The following SNX29 variants were observed in gnomAD, a reference collection of about 807,000 sequenced individuals.
SNX29 encodes sorting nexin-29.
In SNX29, 78 loss-of-function variants were observed where a neutral mutation model predicts 102.1. The ratio of observed to expected loss-of-function variants is 0.76; its 90% confidence interval spans 0.64 to 0.92. The LOEUF (loss-of-function observed/expected upper bound fraction) is 0.92. Ranked by LOEUF, SNX29 falls within the 40% of genes least tolerant of loss-of-function variation. The pLI is 0.00. For synonymous variants in SNX29, 580 were observed against 414.5 expected, an observed-to-expected ratio of 1.40 and a Z score of -4.85; for missense variants, 1,280 against 1,061.7, an observed-to-expected ratio of 1.21 and a Z score of -2.86.
Position 12,096,889 on chromosome 16 carries a change from G to T in SNX29, c.1402+17974G>T, listed in dbSNP as rs760142054. 6.6e-6 allele frequency among the ~76,000 whole-genome samples: 1 copy of T among 152,202 alleles called. No individual in the cohort carries two copies. The highest frequency in any genetic ancestry group is 2.4e-5 in the African/African-American group (1 of 41,450). ...AAGGAGGAACCGATGACAGCAGGAT[G>T]AATGTAGCAAGGATAGGGTGGCTGA... On this transcript the variant is annotated intron_variant, in intron 11 of 20. Coordinates refer to ENST00000566228, the MANE Select transcript of SNX29 (RefSeq NM_032167.5). This position sits in a 1 kb window ranked among gnomAD's most constrained non-coding sequence, Gnocchi z 4.2.
intron 13 of SNX29, among the ~76,000 whole-genome samples, chr16:12,180,829 A>G (rs2076367233): frequency 6.6e-6 from 1 of 151,990 alleles, no homozygotes; most frequent in Non-Finnish European, 1.5e-5. Flanking sequence ...ACTTTAGGAG[A>G]GAGGCGTGGT....
At chr16:12,171,332 A>AAGGG (rs1460365684) in intron 13 of SNX29, among the ~76,000 whole-genome samples, 1 of 150,424 alleles carries the variant, frequency 6.6e-6, no homozygotes, top group East Asian at 1.9e-4. Flanking sequence ...TTTTTTTTTG[A>AAGGG]AGGGAGGGAG....
intron 18 of SNX29, among the ~76,000 whole-genome samples, chr16:12,475,002 C>T (rs922995381): frequency 6.6e-6 from 1 of 152,202 alleles, no homozygotes; most frequent in Non-Finnish European, 1.5e-5. Context: ...CATTCCTAAC[C>T]CAAGTCCAGT....
intron 13 of SNX29, among the ~76,000 whole-genome samples, chr16:12,165,619 G>C (rs1172867405): frequency 6.6e-6 from 1 of 152,212 alleles, no homozygotes; most frequent in Admixed American, 6.5e-5. Context: ...GGAGTGCAGT[G>C]TTGCAATCTT....
At chr16:12,456,384 TG>T (rs2086538225) in intron 18 of SNX29, among the ~76,000 whole-genome samples, 1 of 152,132 alleles carries the variant, frequency 6.6e-6, no homozygotes, top group Non-Finnish European at 1.5e-5. Context: ...AGCACGATAC[TG>T]GAAAAAACTA....
intron 19 of SNX29, among the ~76,000 whole-genome samples, chr16:12,519,697 A>G (rs1023612973): frequency 2.6e-5 from 4 of 152,230 alleles, no homozygotes; most frequent in African/African-American, 9.6e-5. Flanking sequence ...TGTCTTATTT[A>G]AAATTTTTCA....
chr16:12,156,664 C>G (rs1458568127), intron 13 of SNX29, among the ~76,000 whole-genome samples: 1 of 152,160 alleles, frequency 6.6e-6, no homozygotes, highest in Non-Finnish European at 1.5e-5. Context: ...TGTTTTGTTT[C>G]TCTACCTCTA....
chr16:12,419,705 CCT>C (rs2084796362), intron 18 of SNX29, among the ~76,000 whole-genome samples: 1 of 152,132 alleles, frequency 6.6e-6, no homozygotes, highest in Admixed American at 6.5e-5. Flanking sequence ...GGGAAAGGCC[CCT>C]GTTTCTTCTG....
intron 16 of SNX29, among the ~76,000 whole-genome samples, chr16:12,378,935 T>C (rs1201818725): frequency 6.6e-6 from 1 of 152,116 alleles, no homozygotes; most frequent in Non-Finnish European, 1.5e-5. Flanking sequence ...CTCTGAACCA[T>C]GTTAGTTAAT....
At chr16:12,115,987 G>A (rs772577747) in intron 11 of SNX29, among the ~76,000 whole-genome samples, 1 of 152,230 alleles carries the variant, frequency 6.6e-6, no homozygotes, top group Non-Finnish European at 1.5e-5. Context: ...AGGATTTAGT[G>A]TTAAACAATA....
chr16:12,235,805 G>GTGTGTGTA (rs1555494563), intron 14 of SNX29, among the ~76,000 whole-genome samples: 32 of 152,028 alleles, frequency 2.1e-4, no homozygotes, highest in African/African-American at 7.5e-4. Flanking sequence ...GTGTGTGTGT[G>GTGTGTGTA]TGTGTATGTG....
intron 20 of SNX29, among the ~76,000 whole-genome samples, chr16:12,563,535 C>T (rs1392710736): frequency 6.6e-6 from 1 of 152,220 alleles, no homozygotes; most frequent in South Asian, 2.1e-4. Flanking sequence ...ATTGAGTTGT[C>T]TCCCACCACT....
At chr16:12,023,527 A>G (rs1248773220) in intron 3 of SNX29, among the ~76,000 whole-genome samples, 5 of 150,660 alleles carry the variant, frequency 3.3e-5, no homozygotes, top group African/African-American at 1.2e-4. Flanking sequence ...GCAGTGAGCT[A>G]TGATCACACC....
intron 12 of SNX29, among the ~76,000 whole-genome samples, chr16:12,128,818 TG>T (rs34860603): frequency 0.14 from 20,936 of 152,140 alleles, 1,769 homozygotes; most frequent in Admixed American, 0.22. Context: ...AGATGTACCA[TG>T]GTTGGTAATT....
At chr16:12,496,793 C>T (rs760267007) in intron 19 of SNX29, among the ~76,000 whole-genome samples, 1 of 152,126 alleles carries the variant, frequency 6.6e-6, no homozygotes, top group Non-Finnish European at 1.5e-5. Flanking sequence ...ATTTGGTTCC[C>T]TGCAGGGTTC....
At chr16:12,057,641 G>A (rs2050573381) in intron 8 of SNX29, among the ~76,000 whole-genome samples, 1 of 152,078 alleles carries the variant, frequency 6.6e-6, no homozygotes, top group African/African-American at 2.4e-5. Context: ...CACTGGAGTT[G>A]ACCTAAATGT....
chr16:12,543,803 C>G (rs576139706), intron 20 of SNX29, among the ~76,000 whole-genome samples: 1 of 152,230 alleles, frequency 6.6e-6, no homozygotes, highest in Non-Finnish European at 1.5e-5. Context: ...AGAGATTTCT[C>G]CCAGCCCATG....
chr16:12,109,108 A>G (rs1233251205), intron 11 of SNX29, among the ~76,000 whole-genome samples: 3 of 136,268 alleles, frequency 2.2e-5, no homozygotes, highest in African/African-American at 8.4e-5. Flanking sequence ...AGCCTGGGCA[A>G]TAGAGTGAGG....
rs2089228254 is a variant in SNX29 at position 12,503,583 on chromosome 16, A to C, written c.2179-21119A>C. 2.6e-5 allele frequency among the ~76,000 whole-genome samples: 4 copies of C among 152,300 alleles called. No individual in the cohort carries two copies. The South Asian group carries it at 8.3e-4, about 32-fold the overall frequency. ...CTAGCAAAGTCGTGAGAGGAATTTG[A>C]TTTCTGTGATTGAAAAGAGCAGAAA... On this transcript the variant is annotated intron_variant, in intron 19 of 20. Transcript: ENST00000566228.
Sources: allele counts gnomAD v4.1 joint callset (sites outside exome capture counted in the v4.1 genomes callset), GRCh38; gene constraint gnomAD v4.1.1; non-coding constraint Gnocchi (gnomAD v3.1); transcripts MANE v1.5; gene names NCBI Gene and HGNC (gene_info 2026-07-23, HGNC 2026-07-21).